Variants in VSNL1 observed in about 807,000 individuals in gnomAD.
The protein encoded by VSNL1 is visinin like 1.
In VSNL1, 6 loss-of-function variants were observed where a neutral mutation model predicts 20.4. The ratio of observed to expected loss-of-function variants is 0.29; its 90% CI spans 0.16 to 0.58. The LOEUF (loss-of-function observed/expected upper bound fraction) is 0.58, where lower values mean the gene tolerates loss of function less well. Among genes scored for constraint, VSNL1 ranks in the 20% least tolerant of loss-of-function variants. The pLI is 0.90. For missense variants in VSNL1, 100 were observed against 234.5 expected (o/e 0.43, Z 3.75); for synonymous variants, 93 against 86.4 (o/e 1.08, Z -0.42).
Position 17,655,533 on chromosome 2 carries a change from G to A in VSNL1, c.*139G>A. ...GCTTGGACTACCTATAAATGGACTT[G>A]CTTCTTGTGTTTGAAACACTCGTGT... On this transcript the variant is annotated 3_prime_UTR_variant, in exon 4 of 4. Coordinates refer to ENST00000295156, the MANE Select transcript of VSNL1 (RefSeq NM_003385.5). This position sits in a 1 kb window ranked among gnomAD's most constrained non-coding sequence, Gnocchi z 5.2. 1.3e-6 allele frequency: 1 copy of A among 791,594 alleles called. No individual in the cohort carries two copies. Among genetic ancestry groups the A allele is most frequent in the Non-Finnish European group, 1.9e-6 (1 of 514,196 alleles). 49.0% of individuals were successfully genotyped at this position (791,594 alleles called of 1,614,324 possible).
chr2:17,585,524 T>A (rs1664450306), intron 1 of VSNL1, among the ~76,000 whole-genome samples: 1 of 151,722 alleles, frequency 6.6e-6, no homozygotes, highest in Non-Finnish European at 1.5e-5. Flanking sequence ...TGTTTCAACA[T>A]CCTTGCACAG....
intron 2 of VSNL1, among the ~76,000 whole-genome samples, chr2:17,604,508 T>G (rs959755735): frequency 2.6e-5 from 4 of 152,216 alleles, no homozygotes; most frequent in Non-Finnish European, 4.4e-5. Context: ...TTCCTTGGCC[T>G]TTGTTTCTGC....
intron 2 of VSNL1, among the ~76,000 whole-genome samples, chr2:17,595,342 G>A (rs1358448271): frequency 1.3e-5 from 2 of 152,178 alleles, no homozygotes; most frequent in Non-Finnish European, 2.9e-5. Flanking sequence ...CTGCCCTCCC[G>A]AATTTCACAG....
intron 2 of VSNL1, among the ~76,000 whole-genome samples, chr2:17,596,229 G>A (rs1664708025): frequency 6.6e-6 from 1 of 152,156 alleles, no homozygotes; most frequent in Non-Finnish European, 1.5e-5. Context: ...GACACGTAGG[G>A]ATTTCTGTGT....
chr2:17,607,493 G>A lies in VSNL1; in HGVS notation c.162+15257G>A, dbSNP rs1257062772. On this transcript the variant is annotated intron_variant, in intron 2 of 3. Transcript: ENST00000295156. ...AGTGGTCAGTGAGTAGGAGAGGCAG[G>A]TGTGACCTCAATGTCTTCCTTTGTA... 4.6e-5 allele frequency among the ~76,000 whole-genome samples: 7 copies of A among 152,208 alleles called. No homozygotes were observed. In the South Asian group the frequency reaches 1.4e-3, roughly 32 times the overall value.
intron 2 of VSNL1, among the ~76,000 whole-genome samples, chr2:17,605,716 G>A (rs532943457): frequency 6.6e-6 from 1 of 152,208 alleles, no homozygotes; most frequent in Non-Finnish European, 1.5e-5. Context: ...TTGGAGTGTA[G>A]GTGGCAGGAA....
intron 2 of VSNL1, among the ~76,000 whole-genome samples, chr2:17,628,481 T>C (rs943225719): frequency 2.7e-5 from 4 of 149,862 alleles, no homozygotes; most frequent in Admixed American, 6.6e-5. Flanking sequence ...AAGAGTGACA[T>C]TGTGGTTTTT....
chr2:17,608,516 A>G (rs370721454), intron 2 of VSNL1, among the ~76,000 whole-genome samples: 9 of 152,174 alleles, frequency 5.9e-5, no homozygotes, highest in African/African-American at 2.2e-4. Flanking sequence ...GAAAGATTAC[A>G]TAAGACCAGA....
intron 1 of VSNL1, among the ~76,000 whole-genome samples, chr2:17,588,732 A>G (rs1664531930): frequency 6.6e-6 from 1 of 152,228 alleles, no homozygotes. Context: ...GACAATCTCC[A>G]GGAGGGCTGA....
Position 17,552,230 on chromosome 2 carries a change from C to T in VSNL1, c.-6+11312C>T, listed in dbSNP as rs1043006728. Among the ~76,000 whole-genome samples, 11 of 150,346 alleles carry T rather than the reference C, an allele frequency of 7.3e-5. 1 individual carries two copies. Among genetic ancestry groups the T allele is most frequent in the Non-Finnish European group, 1.6e-4 (11 of 67,756 alleles). ...AAAAAAAACAAAAAAAAACTTAGCA[C>T]GTACAGTGCTCTGTGTTGGATACTT... On this transcript the variant is annotated intron_variant, in intron 1 of 3. Transcript: ENST00000295156.
intron 2 of VSNL1, among the ~76,000 whole-genome samples, chr2:17,600,420 A>T (rs1027546253): frequency 2.0e-4 from 30 of 152,234 alleles, no homozygotes; most frequent in African/African-American, 6.5e-4. Context: ...GGATATCCAG[A>T]TGCCAAATAG....
chr2:17,549,085 A>C (rs1663464989), intron 1 of VSNL1, among the ~76,000 whole-genome samples: 1 of 152,156 alleles, frequency 6.6e-6, no homozygotes, highest in African/African-American at 2.4e-5. Flanking sequence ...AGGTGCCCTG[A>C]GCACCTGTTA....
chr2:17,575,589 G>T (rs1466787034), intron 1 of VSNL1, among the ~76,000 whole-genome samples: 1 of 151,504 alleles, frequency 6.6e-6, no homozygotes, highest in African/African-American at 2.4e-5. Flanking sequence ...AGGCTGGAGT[G>T]CAGTGGCATG....
chr2:17,639,136 CAGGGGA>C (rs1665825091), intron 2 of VSNL1, among the ~76,000 whole-genome samples: 1 of 152,200 alleles, frequency 6.6e-6, no homozygotes, highest in Non-Finnish European at 1.5e-5. Context: ...AGTTGCCCTT[CAGGGGA>C]GAGGGAGGCC....
chr2:17,648,214 C>T (rs548514109), intron 2 of VSNL1, among the ~76,000 whole-genome samples: 66 of 152,286 alleles, frequency 4.3e-4, no homozygotes, highest in African/African-American at 1.6e-3. Context: ...GTATAGAATC[C>T]TTCTGTGTTA....
chr2:17,606,199 G>A (rs1192782916), intron 2 of VSNL1, among the ~76,000 whole-genome samples: 2 of 152,192 alleles, frequency 1.3e-5, no homozygotes, highest in Non-Finnish European at 2.9e-5. Context: ...ACTAATAAGA[G>A]TGGTTTGTGT....
rs1665709942 is a variant in VSNL1 at position 17,634,597 on chromosome 2, T to C, written c.163-14813T>C. On this transcript the variant is annotated intron_variant, in intron 2 of 3. Transcript: ENST00000295156. The surrounding 1 kb of genome is among the most constrained non-coding windows in gnomAD (Gnocchi z 4.3). ...TGAGGCAAAGCTTAGCTGTGCCCCTTCCCGTCCCCTGACACCCTCATCTCT... is the reference window on the plus strand; with the variant it reads ...TGAGGCAAAGCTTAGCTGTGCCCCTCCCCGTCCCCTGACACCCTCATCTCT... Among the ~76,000 whole-genome samples, 1 of 152,182 alleles carries C rather than the reference T, an allele frequency of 6.6e-6. No homozygotes were observed. The highest frequency in any genetic ancestry group is 2.4e-5 in the African/African-American group (1 of 41,442).
At chr2:17,549,020 A>T (rs1416439104) in intron 1 of VSNL1, among the ~76,000 whole-genome samples, 3 of 152,232 alleles carry the variant, frequency 2.0e-5, no homozygotes, top group Non-Finnish European at 4.4e-5. Context: ...GACATCTGAC[A>T]GTGCTTAATT....
intron 2 of VSNL1, among the ~76,000 whole-genome samples, chr2:17,642,848 T>C (rs75164203): frequency 0.045 from 6,894 of 152,326 alleles, 194 homozygotes; most frequent in Middle Eastern, 0.11. Context: ...CAAATAGATG[T>C]AATTATACGA....
Sources: allele counts gnomAD v4.1 joint callset (sites outside exome capture counted in the v4.1 genomes callset), GRCh38; gene constraint gnomAD v4.1.1; non-coding constraint Gnocchi (gnomAD v3.1); transcripts MANE v1.5; gene names NCBI Gene and HGNC (gene_info 2026-07-23, HGNC 2026-07-21).